Variants in CLECL1 observed in about 807,000 individuals in gnomAD.
CLECL1 encodes C-type lectin like 1.
the CLECL1 span, among the ~76,000 whole-genome samples, chr12:9,708,527 C>T: frequency 2.0e-5 from 3 of 152,104 alleles, no homozygotes; most frequent in South Asian, 2.1e-4. Context: ...AGCCAGGCAA[C>T]GGGCACAATA....
At chr12:9,724,319 G>A (rs1457718212) in intron 3 of CLECL1, among the ~76,000 whole-genome samples, 1 of 152,076 alleles carries the variant, frequency 6.6e-6, no homozygotes, top group African/African-American at 2.4e-5. Context: ...AATCTCAAAT[G>A]CCTTACATGA....
Position 9,716,748 on chromosome 12 carries a change from A to G in CLECL1, n.181T>C, listed in dbSNP as rs918688476. On this transcript the variant is annotated non_coding_transcript_exon_variant, in exon 3 of 3. Transcript: ENST00000540988. ...TCAGCACTGAAGTCTAGGAACTTCT[A>G]TATGCATATGTCAAAAAAGATTGGA... 4 of 1,266,872 alleles carry G rather than the reference A, an allele frequency of 3.2e-6. No homozygotes were observed. In the African/African-American group the frequency reaches 4.6e-5, roughly 15 times the overall value. The allele number at this position is 1,266,872 out of a possible 1,614,324, so 78.5% of individuals were successfully genotyped here. A position where few individuals can be genotyped will look rare whatever the true frequency, so the allele number is the denominator to read the frequency against.
intron 3 of CLECL1, among the ~76,000 whole-genome samples, chr12:9,725,470 A>G (rs1312655024): frequency 6.6e-6 from 1 of 152,112 alleles, no homozygotes; most frequent in African/African-American, 2.4e-5. Context: ...TGAAAACTAT[A>G]AAAACTACAG....
intron 3 of CLECL1, among the ~76,000 whole-genome samples, chr12:9,726,284 A>C (rs1022955752): frequency 6.6e-6 from 1 of 152,032 alleles, no homozygotes; most frequent in African/African-American, 2.4e-5. Flanking sequence ...CACAACAACA[A>C]AAAACATCAA....
downstream of CLECL1, among the ~76,000 whole-genome samples, chr12:9,720,598 C>T (rs968601089): frequency 1.3e-5 from 2 of 152,066 alleles, no homozygotes; most frequent in South Asian, 2.1e-4. Context: ...CACGTTGGCC[C>T]CCCAAGTGCT....
At chr12:9,715,098 T>A (rs1866224872), downstream of CLECL1, among the ~76,000 whole-genome samples, 1 of 152,212 alleles carries the variant, frequency 6.6e-6, no homozygotes. Context: ...TGACTTTTCC[T>A]TTTTTGGAGC....
chr12:9,715,978 C>T (rs1315706833), exon 3 of CLECL1: 1 of 152,510 alleles, frequency 6.6e-6, no homozygotes, highest in Non-Finnish European at 1.5e-5. Flanking sequence ...ACTTTTTTCC[C>T]TCCTGCCCAC....
chr12:9,709,177 T>C, the CLECL1 span: 1 of 152,912 alleles, frequency 6.5e-6, no homozygotes, highest in East Asian at 1.9e-4. Flanking sequence ...CAATGTAAGA[T>C]AGATCTAGCC....
At chr12:9,729,809 A>G (rs1401813375) in intron 1 of CLECL1, among the ~76,000 whole-genome samples, 2 of 151,072 alleles carry the variant, frequency 1.3e-5, no homozygotes, top group Non-Finnish European at 3.0e-5. Context: ...ATGTAGACCC[A>G]GCTTCTTTTT....
At chr12:9,720,371 C>T (rs1280325242), downstream of CLECL1, among the ~76,000 whole-genome samples, 3 of 138,348 alleles carry the variant, frequency 2.2e-5, no homozygotes, top group East Asian at 4.2e-4. Context: ...GATGGAGTTT[C>T]GCTCTTGTTG....
intron 1 of CLECL1, among the ~76,000 whole-genome samples, chr12:9,732,392 C>A (rs1444887959): frequency 6.6e-6 from 1 of 152,186 alleles, no homozygotes; most frequent in African/African-American, 2.4e-5. Context: ...ATGAAGGCAC[C>A]ATGTTAAGTT....
chr12:9,718,648 C>A (rs545452205), downstream of CLECL1: 102 of 677,430 alleles, frequency 1.5e-4, no homozygotes, highest in East Asian at 2.8e-3. Context: ...TACAGTGAGG[C>A]CATTGCGGTG....
chr12:9,721,083 G>T (rs1386022172), downstream of CLECL1, among the ~76,000 whole-genome samples: 9 of 152,116 alleles, frequency 5.9e-5, no homozygotes, highest in African/African-American at 2.2e-4. Context: ...ACATGGAAAT[G>T]AAAGCCACAC....
chr12:9,711,751 G>A (rs1222913517), downstream of CLECL1, among the ~76,000 whole-genome samples: 2 of 151,706 alleles, frequency 1.3e-5, no homozygotes, highest in Non-Finnish European at 2.9e-5. Context: ...TCTTATCTGT[G>A]CTTACTTCCT....
chr12:9,707,955 G>A, the CLECL1 span, among the ~76,000 whole-genome samples: 3 of 152,198 alleles, frequency 2.0e-5, no homozygotes, highest in Non-Finnish European at 4.4e-5. Context: ...GAGGTGCCAT[G>A]TATGCCTCCA....
intron 2 of CLECL1, among the ~76,000 whole-genome samples, chr12:9,728,958 GGTTTA>G (rs1866413216): frequency 6.6e-6 from 1 of 151,736 alleles, no homozygotes; most frequent in Non-Finnish European, 1.5e-5. Flanking sequence ...ACTTTTCTAG[GGTTTA>G]GTTTAATCTG....
At chr12:9,709,692 G>A in the CLECL1 span, among the ~76,000 whole-genome samples, 1 of 152,196 alleles carries the variant, frequency 6.6e-6, no homozygotes, top group Non-Finnish European at 1.5e-5. Flanking sequence ...CCAACTGGAA[G>A]AGAAGCAGTA....
chr12:9,724,242 CT>C (rs1454084362), intron 3 of CLECL1, among the ~76,000 whole-genome samples: 1 of 151,306 alleles, frequency 6.6e-6, no homozygotes, highest in Non-Finnish European at 1.5e-5. Context: ...AACACTTTCA[CT>C]TTTTTTGGAG....
At chr12:9,718,498 T>C, downstream of CLECL1, 1 of 274,460 alleles carries the variant, frequency 3.6e-6, no homozygotes, top group Non-Finnish European at 6.7e-6. Context: ...TTGACCCTTG[T>C]TATGGGCTGT....
Sources: allele counts gnomAD v4.1 joint callset (sites outside exome capture counted in the v4.1 genomes callset), GRCh38; gene constraint gnomAD v4.1.1; transcripts MANE v1.5; gene names NCBI Gene and HGNC (gene_info 2026-07-23, HGNC 2026-07-21).